Variants in ARHGAP32 observed in about 807,000 individuals in gnomAD.
ARHGAP32 encodes rho GTPase-activating protein 32.
A neutral mutation model predicts 186.5 loss-of-function variants in ARHGAP32; 51 were observed. That is an observed-to-expected ratio of 0.27 (90% CI 0.22 to 0.35). The LOEUF (loss-of-function observed/expected upper bound fraction) is 0.35. Among genes scored for constraint, ARHGAP32 ranks in the 10% least tolerant of loss-of-function variants. The pLI is 1.00. For synonymous variants in ARHGAP32, 950 were observed against 964.3 expected, an observed-to-expected ratio of 0.99 and a Z score of 0.27; for missense variants, 2,186 against 2,623.5, an observed-to-expected ratio of 0.83 and a Z score of 3.64.
intron 5 of ARHGAP32, among the ~76,000 whole-genome samples, chr11:129,108,391 C>T (rs972042206): frequency 1.3e-5 from 2 of 151,936 alleles, no homozygotes; most frequent in Non-Finnish European, 1.5e-5. Context: ...CAAAAATGAA[C>T]ATTATATATT....
At chr11:129,251,118 G>A (rs950522106) in intron 1 of ARHGAP32, among the ~76,000 whole-genome samples, 17 of 152,230 alleles carry the variant, frequency 1.1e-4, no homozygotes, top group South Asian at 2.1e-4. Context: ...GAAAGTAAAC[G>A]GATCCTATCT....
chr11:129,044,512 A>C (rs981371876), intron 10 of ARHGAP32, among the ~76,000 whole-genome samples: 2 of 152,212 alleles, frequency 1.3e-5, no homozygotes, highest in Non-Finnish European at 2.9e-5. Context: ...TAAATGGGTT[A>C]ATGCATAAGT....
chr11:129,274,959 C>G (rs1401033877), intron 1 of ARHGAP32, among the ~76,000 whole-genome samples: 1 of 148,782 alleles, frequency 6.7e-6, no homozygotes, highest in East Asian at 2.0e-4. Flanking sequence ...TATTTAAATC[C>G]AATTTATAAA....
At chr11:129,124,455 T>C (rs654324) in intron 3 of ARHGAP32, among the ~76,000 whole-genome samples, 19,475 of 152,124 alleles carry the variant, frequency 0.13, 1,385 homozygotes, top group Non-Finnish European at 0.15. Context: ...AAGGCAAACC[T>C]GAAATCTAAT....
chr11:129,020,901 A>G (rs1938566349), intron 11 of ARHGAP32, among the ~76,000 whole-genome samples: 1 of 152,058 alleles, frequency 6.6e-6, no homozygotes, highest in Non-Finnish European at 1.5e-5. Flanking sequence ...AAGTAAGAGG[A>G]AAAAAACACA....
At chr11:129,024,663 G>A (rs536402167) in intron 11 of ARHGAP32, among the ~76,000 whole-genome samples, 1 of 152,262 alleles carries the variant, frequency 6.6e-6, no homozygotes, top group South Asian at 2.1e-4. Flanking sequence ...GGTTTCTTCA[G>A]AATGGGAAAT....
At chr11:129,004,750 C>G (rs1178369061) in intron 11 of ARHGAP32, among the ~76,000 whole-genome samples, 2 of 151,984 alleles carry the variant, frequency 1.3e-5, no homozygotes, top group Admixed American at 1.3e-4. Context: ...TTTTCAGTCT[C>G]TGTGTATCTT....
chr11:128,990,407 T>C (rs914905168), intron 12 of ARHGAP32, among the ~76,000 whole-genome samples: 2 of 152,162 alleles, frequency 1.3e-5, no homozygotes, highest in African/African-American at 2.4e-5. Flanking sequence ...CCTGACACAA[T>C]GTATAAAATT....
chr11:129,234,244 AC>A (rs1944896555), intron 1 of ARHGAP32, among the ~76,000 whole-genome samples: 1 of 152,162 alleles, frequency 6.6e-6, no homozygotes, highest in African/African-American at 2.4e-5. Context: ...GTAAACTATT[AC>A]ATTTCAAAAT....
At chr11:129,172,986 A>T (rs1006823477) in intron 1 of ARHGAP32, among the ~76,000 whole-genome samples, 2 of 128,436 alleles carry the variant, frequency 1.6e-5, no homozygotes, top group Non-Finnish European at 3.5e-5. Flanking sequence ...AAACCCTCCA[A>T]AAAGAAAAAA....
intron 2 of ARHGAP32, among the ~76,000 whole-genome samples, chr11:129,139,803 ATC>A (rs1459623562): frequency 6.6e-6 from 1 of 152,168 alleles, no homozygotes; most frequent in African/African-American, 2.4e-5. Flanking sequence ...ATATGTCTTT[ATC>A]AGCAGCATGA....
At chr11:129,095,224 C>T (rs1416330952) in intron 5 of ARHGAP32, among the ~76,000 whole-genome samples, 1 of 152,134 alleles carries the variant, frequency 6.6e-6, no homozygotes, top group African/African-American at 2.4e-5. Flanking sequence ...ACAACACTTT[C>T]ATGAGACAGA....
chr11:129,277,465 CA>C (rs912686156), intron 1 of ARHGAP32, among the ~76,000 whole-genome samples: 3 of 152,192 alleles, frequency 2.0e-5, no homozygotes, highest in African/African-American at 7.2e-5. Flanking sequence ...AAGGTTCTTC[CA>C]ACTAACATTT....
intron 10 of ARHGAP32, among the ~76,000 whole-genome samples, chr11:129,045,122 A>G (rs577962578): frequency 3.9e-5 from 6 of 152,306 alleles, no homozygotes; most frequent in South Asian, 2.1e-4. Flanking sequence ...TTACTTTATC[A>G]TAAGTGTAAT....
chr11:129,061,412 A>AC (rs1419055321), intron 10 of ARHGAP32, among the ~76,000 whole-genome samples: 2 of 152,210 alleles, frequency 1.3e-5, no homozygotes, highest in Non-Finnish European at 2.9e-5. Context: ...CACAGATAGT[A>AC]CCAAACCCTA....
At chr11:129,251,217 ACT>A (rs1320179166) in intron 1 of ARHGAP32, among the ~76,000 whole-genome samples, 1 of 151,996 alleles carries the variant, frequency 6.6e-6, no homozygotes, top group African/African-American at 2.4e-5. Flanking sequence ...TAGTTTACAG[ACT>A]CTCCTTTTTC....
At position 129,123,595 on chromosome 11, in the gene ARHGAP32, A is replaced by G. The variant is rs1942585853; in HGVS notation, c.360-65T>C. The G allele has an allele frequency of 9.1e-6, 13 of 1,435,806 alleles. No individual in the cohort carries two copies. Among genetic ancestry groups the G allele is most frequent in the Non-Finnish European group, 1.2e-5 (12 of 1,030,258 alleles). 88.9% of individuals were successfully genotyped at this position (1,435,806 alleles called of 1,614,324 possible). On this transcript the variant is annotated intron_variant, in intron 4 of 22. Coordinates refer to ENST00000682385, the MANE Select transcript of ARHGAP32 (RefSeq NM_001378024.1). The surrounding 1 kb of genome is among the most constrained non-coding windows in gnomAD (Gnocchi z 4.6). The stretch of plus-strand genomic sequence containing the variant: ...CAGTAAAAATTACTAAGTTTAAGGG[A>G]AAAATACAGTGGATTTAAGAGCTCA...
At chr11:129,229,022 G>C (rs111956346) in intron 1 of ARHGAP32, among the ~76,000 whole-genome samples, 2,994 of 152,224 alleles carry the variant, frequency 0.02, 52 homozygotes, top group African/African-American at 0.042. Flanking sequence ...CTAGGACGCA[G>C]AACAAGGGGA....
chr11:129,034,542 G>A (rs1270661652), intron 11 of ARHGAP32, among the ~76,000 whole-genome samples: 1 of 151,740 alleles, frequency 6.6e-6, no homozygotes, highest in Non-Finnish European at 1.5e-5. Context: ...GGTGGATGAT[G>A]CAAAAAGATG....
Sources: allele counts gnomAD v4.1 joint callset (sites outside exome capture counted in the v4.1 genomes callset), GRCh38; gene constraint gnomAD v4.1.1; non-coding constraint Gnocchi (gnomAD v3.1); transcripts MANE v1.5; gene names NCBI Gene and HGNC (gene_info 2026-07-23, HGNC 2026-07-21).